Variants in KLRB1 observed in about 807,000 individuals in gnomAD.
KLRB1 encodes killer cell lectin like receptor B1.
In KLRB1, 27 loss-of-function variants were observed where a neutral mutation model predicts 33.5. The observed-to-expected ratio is 0.81, with a 90% CI of 0.59 to 1.11. KLRB1 has a LOEUF of 1.11. KLRB1 is among the 50% of genes most tolerant of loss of function. KLRB1 has a pLI of 0.00. For synonymous variants in KLRB1, 64 were observed against 88.9 expected (o/e 0.72, Z 1.58); for missense variants, 241 against 254.1 (o/e 0.95, Z 0.35).
chr12:9,597,996 T>C (rs776164461), intron 5 of KLRB1, 50 bp downstream of exon 5: 3 of 868,768 alleles, frequency 3.5e-6, no homozygotes, highest in South Asian at 3.0e-5. Flanking sequence ...TACCTTGCAG[T>C]GTAAACCTGA....
intron 1 of KLRB1, among the ~76,000 whole-genome samples, chr12:9,602,577 G>A (rs1864557434): frequency 2.0e-5 from 3 of 151,854 alleles, no homozygotes; most frequent in Non-Finnish European, 1.5e-5. Flanking sequence ...TTAATTGTAA[G>A]TCTCCCTCTG....
At chr12:9,606,736 A>G (rs1240876259) in intron 1 of KLRB1, among the ~76,000 whole-genome samples, 2 of 10,700 alleles carry the variant, frequency 1.9e-4, no homozygotes, top group Non-Finnish European at 3.0e-4. Flanking sequence ...TATAAAAAGT[A>G]TATATATATA....
At position 9,598,620 on chromosome 12, in the gene KLRB1, C is replaced by G; in HGVS notation, c.293G>C (p.Trp98Ser). 10 of 1,612,332 alleles carry G rather than the reference C, an allele frequency of 6.2e-6. No homozygotes were observed. Among genetic ancestry groups the G allele is most frequent in the Non-Finnish European group, 8.5e-6 (10 of 1,178,964 alleles). ...RPGLLNCPIY[W>S]QQLREKCLLF... ...CAAGCATTTCTCTCGGAGTTGCTGC[C>G]AATATATTGGGCAGTTTAAGAGACC... is the stretch of plus-strand genomic sequence containing the variant. The change falls in exon 4 of 6, where the codon TGG becomes TCG. Residue 98 changes from tryptophan to serine, a missense_variant. Physicochemically the swap from Trp to Ser is radical, Grantham distance 177. Transcript: ENST00000229402.
chr12:9,603,820 C>T lies in KLRB1; in HGVS notation c.86-2221G>A, dbSNP rs1864571608. Among the ~76,000 whole-genome samples, 2 of 152,108 alleles carry T rather than the reference C, an allele frequency of 1.3e-5. 1 individual carries two copies. Among genetic ancestry groups the T allele is most frequent in the South Asian group, 4.1e-4 (2 of 4,824 alleles). On this transcript the variant is annotated intron_variant, in intron 1 of 5. Transcript: ENST00000229402. ...GAACAGTCTTTCCGATCTAGCAAAT[C>T]TGAATGTGAACATGTTATTTTGGAA...
intron 4 of KLRB1, 32 bp downstream of exon 4, chr12:9,598,467 G>A: frequency 6.3e-7 from 1 of 1,578,738 alleles, no homozygotes; most frequent in Non-Finnish European, 8.6e-7. Flanking sequence ...AAAGTGTTAA[G>A]TTTTATTAAG....
At chr12:9,597,730 A>G (rs1864505002) in intron 5 of KLRB1, among the ~76,000 whole-genome samples, 2 of 152,200 alleles carry the variant, frequency 1.3e-5, no homozygotes, top group East Asian at 3.8e-4. Context: ...AATACAACGT[A>G]AGACATTCTG....
At chr12:9,597,238 A>C (rs1039766560) in intron 5 of KLRB1, among the ~76,000 whole-genome samples, 11 of 152,196 alleles carry the variant, frequency 7.2e-5, no homozygotes, top group African/African-American at 2.4e-4. Flanking sequence ...ATTTGACTAA[A>C]TCATTTACAG....
At chr12:9,606,663 T>TAA (rs1414131200) in intron 1 of KLRB1, among the ~76,000 whole-genome samples, 15 of 93,570 alleles carry the variant, frequency 1.6e-4, no homozygotes, top group African/African-American at 9.1e-4. Context: ...TATATATATA[T>TAA]AAAATATATA....
In KLRB1 at chr12:9,598,481, TTTTATTTAATGATTTACCAA is replaced by T; in HGVS notation, c.412_414+17del. On this transcript the variant is annotated splice_donor_variant and splice_donor_5th_base_variant and coding_sequence_variant and intron_variant, in exon 4 of 6. Transcript: ENST00000229402. LOFTEE classifies it high-confidence loss of function. ...GAAAGTGTTAAGTTTTATTAAGGTATTTTATTTAATGATTTACCAATTCATCCTTATCTCGAATAAGCAGC... is the reference window on the plus strand; with the variant it reads ...GAAAGTGTTAAGTTTTATTAAGGTATTTCATCCTTATCTCGAATAAGCAGC... 8 of 1,598,156 alleles carry T rather than the reference TTTTATTTAATGATTTACCAA, an allele frequency of 5.0e-6. No individual in the cohort carries two copies. The highest frequency in any genetic ancestry group is 6.8e-6 in the Non-Finnish European group (8 of 1,171,498).
chr12:9,603,865 A>G (rs1864571999), intron 1 of KLRB1, among the ~76,000 whole-genome samples: 1 of 152,180 alleles, frequency 6.6e-6, no homozygotes, highest in Non-Finnish European at 1.5e-5. Flanking sequence ...AACCTTCATA[A>G]CCCACAGATT....
At chr12:9,607,370 T>TTCTTTCTCTCTTTCTTTCTC (rs1555097816) in intron 1 of KLRB1, among the ~76,000 whole-genome samples, 17 of 86,358 alleles carry the variant, frequency 2.0e-4, no homozygotes, top group Non-Finnish European at 4.3e-4. Flanking sequence ...CTTTCTTTCT[T>TTCTTTCTCTCTTTCTTTCTC]TCTTTCTTTC....
At chr12:9,605,377 G>T (rs11051877) in intron 1 of KLRB1, among the ~76,000 whole-genome samples, 42,894 of 152,032 alleles carry the variant, frequency 0.28, 6,832 homozygotes, top group South Asian at 0.47. Flanking sequence ...TGGGTCAAAT[G>T]GTATTTCTAG....
intron 5 of KLRB1, 152 bp downstream of exon 5, chr12:9,597,894 C>A (rs924927737): frequency 7.7e-6 from 4 of 517,578 alleles, no homozygotes; most frequent in Non-Finnish European, 1.0e-5. Flanking sequence ...ACTTTCCAAC[C>A]AACTTTGAAA....
rs1477724119 is a variant in KLRB1, at chr12:9,595,290, A to T, written c.662T>A (p.Val221Glu). The T allele has an allele frequency of 6.2e-7, 1 of 1,613,354 alleles. No individual in the cohort carries two copies. The highest frequency in any genetic ancestry group is 8.5e-7 in the Non-Finnish European group (1 of 1,179,488). ...QKELTPVRNK[V>E]YPDS ...GATTCATAGTCAAGAGTCAGGATACACTTTATTTCTCACAGGTGTTAGTTC... is the reference window on the plus strand; with the variant it reads ...GATTCATAGTCAAGAGTCAGGATACTCTTTATTTCTCACAGGTGTTAGTTC... Residue 221 changes from valine (V) to glutamate (E), a missense_variant, in exon 6 of 6, where the codon GTG becomes GAG. Physicochemically the swap from Val to Glu is moderately radical, Grantham distance 121. Coordinates refer to ENST00000229402, the MANE Select transcript of KLRB1 (RefSeq NM_002258.3).
intron 2 of KLRB1, among the ~76,000 whole-genome samples, chr12:9,600,994 G>C (rs1159512883): frequency 7.0e-6 from 1 of 143,544 alleles, no homozygotes; most frequent in African/African-American, 2.5e-5. Flanking sequence ...GGAATGTCTC[G>C]GTATAAAACC....
rs1468565460 is a variant in KLRB1 at position 9,601,548 on chromosome 12, G to A, written c.137C>T (p.Ala46Val). The A allele has an allele frequency of 6.2e-7, 1 of 1,613,834 alleles. No individual in the cohort carries two copies. The highest frequency in any genetic ancestry group is 1.7e-5 in the Admixed American group (1 of 60,014). The change falls in exon 2 of 6, where the codon GCT (alanine) becomes GTT (valine). Residue 46 changes from alanine (A) to valine (V), a missense_variant. By Grantham distance (64) the Ala-to-Val change is moderately conservative (BLOSUM62 0). Transcript: ENST00000229402. ...WHQFALKLSC[A>V]GIILLVLVVT... ...AACCAAGACAAGGAGAATAATCCCA[G>A]CACAGCTAAGTTTCAGGGCAAATTG...
rs375145317 is a variant in KLRB1, at chr12:9,599,845, G to A, written c.185-4C>T. Reference sequence around the variant, plus strand: ...GATTTCTGTATTAAGGATGTCACTAGTACATAAGGAAAAACAAGAGTATTA... The same window carrying A: ...GATTTCTGTATTAAGGATGTCACTAATACATAAGGAAAAACAAGAGTATTA... On this transcript the variant is annotated splice_region_variant and splice_polypyrimidine_tract_variant and intron_variant, in intron 2 of 5. Coordinates refer to ENST00000229402, the MANE Select transcript of KLRB1 (RefSeq NM_002258.3). 3.6e-4 allele frequency: 548 copies of A among 1,536,054 alleles called. 1 individual carries two copies. The highest frequency in any genetic ancestry group is 4.7e-4 in the Non-Finnish European group (522 of 1,109,382).
intron 5 of KLRB1, among the ~76,000 whole-genome samples, chr12:9,595,783 A>G (rs1864486470): frequency 6.6e-6 from 1 of 152,220 alleles, no homozygotes. Flanking sequence ...TATTTAGGCT[A>G]TAGCCACCTA....
chr12:9,600,290 A>G (rs1281704004), intron 2 of KLRB1, among the ~76,000 whole-genome samples: 1 of 152,184 alleles, frequency 6.6e-6, no homozygotes, highest in Non-Finnish European at 1.5e-5. Flanking sequence ...ATTTTTTTCA[A>G]AAGTTCTTGG....
Sources: gnomAD v4.1 joint callset for allele counts (sites outside exome capture counted in the v4.1 genomes callset) on GRCh38, gnomAD v4.1.1 for gene constraint, MANE v1.5 for transcripts, NCBI Gene and HGNC (gene_info 2026-07-23, HGNC 2026-07-21) for gene names.